Variants in SLC10A7 observed in about 807,000 individuals in gnomAD.
The protein encoded by SLC10A7 is sodium/bile acid cotransporter 7.
SLC10A7 carries 29 observed loss-of-function variants against 43.2 expected under a neutral mutation model. The ratio of observed to expected loss-of-function variants is 0.67; its 90% CI spans 0.50 to 0.92. The LOEUF (loss-of-function observed/expected upper bound fraction) is 0.92. Ranked by LOEUF, SLC10A7 falls within the 40% of genes least tolerant of loss-of-function variation. The pLI is 0.00. For synonymous variants in SLC10A7, 152 were observed against 144.8 expected (o/e 1.05, Z -0.35); for missense variants, 295 against 403.2 (o/e 0.73, Z 2.30).
At chr4:146,378,173 AAG>A (rs1483383723) in intron 5 of SLC10A7, among the ~76,000 whole-genome samples, 1 of 152,236 alleles carries the variant, frequency 6.6e-6, no homozygotes, top group Non-Finnish European at 1.5e-5. Flanking sequence ...ACCAGAATTT[AAG>A]AGTCTGCTAC....
chr4:146,452,461 C>G (rs997540631), intron 4 of SLC10A7, among the ~76,000 whole-genome samples: 1 of 152,032 alleles, frequency 6.6e-6, no homozygotes, highest in Non-Finnish European at 1.5e-5. Context: ...TATGAAAACA[C>G]AAAACATTTT....
chr4:146,305,898 A>C (rs953006361), intron 7 of SLC10A7, 28 bp downstream of exon 7: 12 of 1,552,050 alleles, frequency 7.7e-6, no homozygotes, highest in Non-Finnish European at 9.6e-6. Context: ...TCCATAAAGA[A>C]AAGATCAGAT....
intron 4 of SLC10A7, among the ~76,000 whole-genome samples, chr4:146,449,042 G>T (rs1731350097): frequency 6.6e-6 from 1 of 152,008 alleles, no homozygotes; most frequent in Non-Finnish European, 1.5e-5. Context: ...AAACAGCAAA[G>T]AAATTAGAAT....
Position 146,335,709 on chromosome 4 carries a change from T to A in SLC10A7, c.436-9713A>T, listed in dbSNP as rs140018464. The stretch of plus-strand genomic sequence containing the variant: ...CTAATATTTCCATACAAGGAAATGA[T>A]GATAAGATAATCATTTTGAAATGAC... On this transcript the variant is annotated intron_variant, in intron 5 of 11. Coordinates refer to ENST00000335472, the MANE Select transcript of SLC10A7 (RefSeq NM_001029998.6). 7.0e-3 allele frequency among the ~76,000 whole-genome samples: 1,061 copies of A among 152,220 alleles called. 18 individuals carry two copies. Among genetic ancestry groups the A allele is most frequent in the African/African-American group, 0.024 (998 of 41,560 alleles).
chr4:146,357,678 C>T (rs1233707208), intron 5 of SLC10A7, among the ~76,000 whole-genome samples: 1 of 152,170 alleles, frequency 6.6e-6, no homozygotes, highest in African/African-American at 2.4e-5. Flanking sequence ...ATTCAATTCC[C>T]TCTCCACGGT....
chr4:146,486,453 G>A (rs1403069416), intron 4 of SLC10A7, among the ~76,000 whole-genome samples: 2 of 152,356 alleles, frequency 1.3e-5, no homozygotes, highest in Non-Finnish European at 2.9e-5. Context: ...AGTCAATAGT[G>A]TGAATTCAGA....
intron 4 of SLC10A7, among the ~76,000 whole-genome samples, chr4:146,453,513 C>T (rs1416618745): frequency 6.6e-6 from 1 of 151,894 alleles, no homozygotes; most frequent in African/African-American, 2.4e-5. Flanking sequence ...TTTATTTGAA[C>T]ATATATTCTG....
intron 4 of SLC10A7, among the ~76,000 whole-genome samples, chr4:146,460,384 A>G (rs1429527524): frequency 6.6e-6 from 1 of 152,020 alleles, no homozygotes; most frequent in Non-Finnish European, 1.5e-5. Context: ...CTTGTATTCA[A>G]ATGTTCGGAT....
At chr4:146,489,512 A>G (rs1735207987) in intron 4 of SLC10A7, among the ~76,000 whole-genome samples, 1 of 152,232 alleles carries the variant, frequency 6.6e-6, no homozygotes, top group Non-Finnish European at 1.5e-5. Flanking sequence ...CTGACACATA[A>G]CACGTACTGG....
chr4:146,436,626 A>G (rs1730236816), intron 5 of SLC10A7, among the ~76,000 whole-genome samples: 1 of 152,090 alleles, frequency 6.6e-6, no homozygotes, highest in Admixed American at 6.5e-5. Context: ...TGAAAACAAG[A>G]TGACTCAAAG....
intron 4 of SLC10A7, among the ~76,000 whole-genome samples, chr4:146,453,257 T>G (rs1357919033): frequency 6.6e-6 from 1 of 152,000 alleles, no homozygotes; most frequent in Non-Finnish European, 1.5e-5. Flanking sequence ...AGTTACTGTT[T>G]TCTGGGTGCT....
chr4:146,514,506 C>T (rs914248609), intron 2 of SLC10A7: 1 of 152,166 alleles, frequency 6.6e-6, no homozygotes, highest in African/African-American at 2.4e-5. Context: ...ACTGAAGACT[C>T]AGCATTGCAT....
chr4:146,371,315 C>T (rs1207289409), intron 5 of SLC10A7, among the ~76,000 whole-genome samples: 1 of 152,168 alleles, frequency 6.6e-6, no homozygotes, highest in Non-Finnish European at 1.5e-5. Flanking sequence ...CCTTACAGGG[C>T]GCCTGCCCTT....
intron 10 of SLC10A7, among the ~76,000 whole-genome samples, chr4:146,261,079 T>C (rs1728192700): frequency 6.6e-6 from 1 of 152,240 alleles, no homozygotes; most frequent in Non-Finnish European, 1.5e-5. Flanking sequence ...TTCCGGCCAT[T>C]GCTGGTTCTT....
intron 3 of SLC10A7, among the ~76,000 whole-genome samples, chr4:146,504,397 T>C (rs1310912301): frequency 2.6e-5 from 4 of 151,198 alleles, no homozygotes; most frequent in African/African-American, 9.7e-5. Flanking sequence ...CGGGTGCCTG[T>C]AGTCCCAGCC....
intron 5 of SLC10A7, among the ~76,000 whole-genome samples, chr4:146,326,928 A>AGT (rs780833591): frequency 0.58 from 80,878 of 140,530 alleles, 22,491 homozygotes; most frequent in East Asian, 0.75. Context: ...ACACACACAC[A>AGT]CACACACACA....
intron 5 of SLC10A7, among the ~76,000 whole-genome samples, chr4:146,418,535 A>G (rs577042820): frequency 2.8e-4 from 43 of 152,346 alleles, no homozygotes; most frequent in Admixed American, 5.2e-4. Context: ...ATAGGAAAAG[A>G]TATTTTGAAA....
intron 1 of SLC10A7, among the ~76,000 whole-genome samples, chr4:146,520,773 C>A (rs576490695): frequency 1.3e-5 from 2 of 152,238 alleles, no homozygotes; most frequent in South Asian, 2.1e-4. Flanking sequence ...GTCAAAAAGA[C>A]AAGCGAATTG....
chr4:146,439,563 AT>A (rs1730446358), intron 5 of SLC10A7, among the ~76,000 whole-genome samples: 1 of 152,142 alleles, frequency 6.6e-6, no homozygotes, highest in South Asian at 2.1e-4. Flanking sequence ...TATTTCATGG[AT>A]ATCCATAGTC....
Sources: gnomAD v4.1 joint callset for allele counts (sites outside exome capture counted in the v4.1 genomes callset) on GRCh38, gnomAD v4.1.1 for gene constraint, MANE v1.5 for transcripts, NCBI Gene and HGNC (gene_info 2026-07-23, HGNC 2026-07-21) for gene names.